The following FBLN2 variants were observed in gnomAD, a reference collection of about 807,000 sequenced individuals.
FBLN2 encodes fibulin-2.
Under a neutral mutation model 123.7 loss-of-function variants are expected in FBLN2, and 81 were observed. The observed-to-expected ratio is 0.65, with a 90% CI of 0.55 to 0.79. The LOEUF is 0.79. FBLN2 is among the 30% of genes least tolerant of loss of function. The pLI is 0.00. For missense variants in FBLN2, 1,603 were observed against 1,681.3 expected (o/e 0.95, Z 0.81); for synonymous variants, 699 against 701.4 (o/e 1.00, Z 0.05).
intron 2 of FBLN2, among the ~76,000 whole-genome samples, chr3:13,586,948 C>T (rs886972112): frequency 1.3e-5 from 2 of 150,982 alleles, no homozygotes; most frequent in Admixed American, 6.6e-5. Flanking sequence ...AGTTTGAGAC[C>T]AGCTTGGCCC....
At chr3:13,611,769 G>A (rs547817727) in intron 4 of FBLN2, among the ~76,000 whole-genome samples, 1 of 152,078 alleles carries the variant, frequency 6.6e-6, no homozygotes, top group Non-Finnish European at 1.5e-5. Flanking sequence ...TCCCTTTTTT[G>A]AGGGCAGACT....
chr3:13,632,894 C>T (rs1201172197), intron 16 of FBLN2, among the ~76,000 whole-genome samples: 7 of 152,148 alleles, frequency 4.6e-5, no homozygotes, highest in Admixed American at 3.9e-4. Flanking sequence ...TTCTATTCAC[C>T]GTGTGCTCAG....
At chr3:13,565,223 G>A (rs1703710216) in intron 1 of FBLN2, among the ~76,000 whole-genome samples, 1 of 152,176 alleles carries the variant, frequency 6.6e-6, no homozygotes, top group South Asian at 2.1e-4. Flanking sequence ...AGAATACCCT[G>A]GTCCCCCCAC....
intron 2 of FBLN2, among the ~76,000 whole-genome samples, chr3:13,593,447 G>A (rs1704738943): frequency 6.6e-6 from 1 of 152,132 alleles, no homozygotes. Context: ...TGGGCGCAGT[G>A]GCTCATACCT....
At chr3:13,614,934 A>G (rs1705544597) in intron 5 of FBLN2, among the ~76,000 whole-genome samples, 1 of 148,452 alleles carries the variant, frequency 6.7e-6, no homozygotes, top group African/African-American at 2.5e-5. Flanking sequence ...CCATCCATCC[A>G]TCCATCCACC....
chr3:13,556,669 G>A (rs1458585700), intron 1 of FBLN2, among the ~76,000 whole-genome samples: 1 of 152,234 alleles, frequency 6.6e-6, no homozygotes, highest in Non-Finnish European at 1.5e-5. Context: ...CATGGGATGG[G>A]AGGAGTGACC....
At chr3:13,595,320 G>A (rs1010607390) in intron 2 of FBLN2, among the ~76,000 whole-genome samples, 1 of 152,164 alleles carries the variant, frequency 6.6e-6, no homozygotes, top group African/African-American at 2.4e-5. Flanking sequence ...GCTGAGGAAG[G>A]CATCCCTCAG....
At chr3:13,619,064 G>A (rs549877990) in intron 7 of FBLN2, 47 bp downstream of exon 7, 18 of 1,444,032 alleles carry the variant, frequency 1.2e-5, no homozygotes, top group Admixed American at 9.7e-5. Context: ...AGGGTCCAGG[G>A]GGTGGGTCTG....
chr3:13,619,109 G>A, intron 7 of FBLN2, 92 bp downstream of exon 7: 1 of 902,496 alleles, frequency 1.1e-6, no homozygotes, highest in Non-Finnish European at 1.7e-6. Context: ...CTGGTGCTGG[G>A]TATGTGCAAG....
rs1275720184 is a variant in FBLN2 at position 13,619,003 on chromosome 3, C to G, written c.2039C>G (p.Pro680Arg). 1 of 1,610,718 alleles carries G rather than the reference C, an allele frequency of 6.2e-7. No homozygotes were observed. Among genetic ancestry groups the G allele is most frequent in the Non-Finnish European group, 8.5e-7 (1 of 1,178,578 alleles). ...ACCATCCCGCTGCCACTGCCGCAGC[C>G]CAATACCTGCAAAGGTAAGCAGTGT... ...SNTIPLPLPQ[P>R]NTCKDNGPCK... Residue 680 changes from proline to arginine, a missense_variant, in exon 7 of 18, where the codon CCC becomes CGC. Physicochemically the swap from Pro to Arg is moderately radical, Grantham distance 103 (BLOSUM62 -2). Transcript: ENST00000404922.
intron 2 of FBLN2, among the ~76,000 whole-genome samples, chr3:13,572,069 C>T (rs1008666387): frequency 2.6e-5 from 4 of 152,216 alleles, no homozygotes; most frequent in Admixed American, 2.0e-4. Context: ...GGCCTGTGGC[C>T]TAGGAGCCTA....
chr3:13,613,777 G>A (rs929808889), intron 4 of FBLN2: 12 of 506,676 alleles, frequency 2.4e-5, no homozygotes, highest in Non-Finnish European at 3.8e-5. Flanking sequence ...CCATTTACTT[G>A]TTATCTGTTT....
intron 2 of FBLN2, among the ~76,000 whole-genome samples, chr3:13,573,315 A>G (rs1331063192): frequency 4.0e-5 from 6 of 150,902 alleles, no homozygotes; most frequent in Non-Finnish European, 5.9e-5. Flanking sequence ...CCTTCTCACC[A>G]CTGCCCACTT....
rs773209930 is a variant in FBLN2 at position 13,608,105 on chromosome 3, G to A, written c.1350G>A (p.Gln450=). ...DLIETCCAAG[Q]QWAIDNDECL... ...TCGAGACTTGCTGCGCAGCCGGACA[G>A]CAGTGGGCCATTGACAATGACGAGT... The change falls in exon 3 of 18, where the codon CAG becomes CAA. Residue 450 remains glutamine, a synonymous_variant. Transcript: ENST00000404922. 2 of 1,597,566 alleles carry A rather than the reference G, an allele frequency of 1.3e-6. No individual in the cohort carries two copies. The highest frequency in any genetic ancestry group is 1.1e-5 in the South Asian group (1 of 87,624).
chr3:13,568,284 C>T (rs1176371057), intron 1 of FBLN2, among the ~76,000 whole-genome samples: 4 of 152,218 alleles, frequency 2.6e-5, no homozygotes, highest in South Asian at 2.1e-4. Context: ...CCCTTCCAGG[C>T]GCTCCTGGAC....
intron 2 of FBLN2, among the ~76,000 whole-genome samples, chr3:13,598,210 C>T (rs1387777924): frequency 1.8e-4 from 28 of 152,348 alleles, no homozygotes; most frequent in Admixed American, 1.8e-3. Flanking sequence ...CACCAAGCGT[C>T]TTTTATGTGC....
At chr3:13,556,466 T>G (rs1185462209) in intron 1 of FBLN2, among the ~76,000 whole-genome samples, 1 of 152,070 alleles carries the variant, frequency 6.6e-6, no homozygotes, top group African/African-American at 2.4e-5. Context: ...AACCTCCTAA[T>G]GGGGGGCCCC....
At chr3:13,573,801 G>A (rs897374455) in intron 2 of FBLN2, among the ~76,000 whole-genome samples, 1 of 151,792 alleles carries the variant, frequency 6.6e-6, no homozygotes, top group African/African-American at 2.4e-5. Flanking sequence ...TACTTGGGCG[G>A]CTGAGGCAGG....
At chr3:13,595,040 C>A (rs771335834) in intron 2 of FBLN2, among the ~76,000 whole-genome samples, 1 of 152,178 alleles carries the variant, frequency 6.6e-6, no homozygotes, top group African/African-American at 2.4e-5. Context: ...GCAAGCTGTG[C>A]CTTCTCTTTC....
Sources: gnomAD v4.1 joint callset for allele counts (sites outside exome capture counted in the v4.1 genomes callset) on GRCh38, gnomAD v4.1.1 for gene constraint, MANE v1.5 for transcripts, NCBI Gene and HGNC (gene_info 2026-07-23, HGNC 2026-07-21) for gene names.